The following TMEM68 variants were observed in gnomAD, a reference collection of about 807,000 sequenced individuals.
TMEM68 encodes DGAT1/2-independent enzyme synthesizing storage lipids.
A neutral mutation model predicts 36.9 loss-of-function variants in TMEM68; 25 were observed. The ratio of observed to expected loss-of-function variants is 0.68; its 90% CI spans 0.49 to 0.95. The LOEUF is 0.95. Among genes scored for constraint, TMEM68 ranks in the 40% least tolerant of loss-of-function variants. The pLI, the probability that TMEM68 is intolerant of heterozygous loss-of-function variation, is 0.00. For synonymous variants in TMEM68, 131 were observed against 124.4 expected (o/e 1.05, Z -0.35); for missense variants, 333 against 392.0 (o/e 0.85, Z 1.27).
intron 6 of TMEM68, 122 bp from the exon 7 acceptor site, chr8:55,743,742 T>C (rs1810178326): frequency 1.3e-6 from 1 of 797,198 alleles, no homozygotes; most frequent in East Asian, 2.9e-5. Flanking sequence ...TTCTTGGCAA[T>C]TAATACAATT....
chr8:55,748,798 C>A (rs558247550), intron 5 of TMEM68, among the ~76,000 whole-genome samples: 1 of 151,952 alleles, frequency 6.6e-6, no homozygotes, highest in East Asian at 1.9e-4. Context: ...ACCATGTTGC[C>A]CAGGCTGGTC....
intron 5 of TMEM68, among the ~76,000 whole-genome samples, chr8:55,749,253 G>A (rs1563429101): frequency 6.6e-6 from 1 of 152,158 alleles, no homozygotes; most frequent in African/African-American, 2.4e-5. Context: ...CAAAAAGTCT[G>A]TCACTTTCGA....
intron 4 of TMEM68, among the ~76,000 whole-genome samples, chr8:55,754,952 C>T (rs554651861): frequency 0.26 from 2,120 of 8,216 alleles, 83 homozygotes; most frequent in East Asian, 0.38. Flanking sequence ...TATACACACA[C>T]ACACACACAC....
chr8:55,740,218 T>C lies in TMEM68; in HGVS notation c.889A>G (p.Thr297Ala), dbSNP rs915041793. The change falls in exon 8 of 8, where the codon ACG becomes GCG. Residue 297 changes from threonine (T) to alanine (A), a missense_variant and splice_region_variant. Coordinates refer to ENST00000434581, the MANE Select transcript of TMEM68 (RefSeq NM_001286657.2). ...QITAEELAEK[T>A]KNAVQALIDK... ...ATCAAAGCTTGAACAGCATTCTTCG[T>C]CTATTAAGAAAACAAAAGAAAAGCT... is the stretch of plus-strand genomic sequence containing the variant. The C allele has an allele frequency of 3.1e-6, 5 of 1,611,708 alleles. No homozygotes were observed. Among genetic ancestry groups the C allele is most frequent in the Admixed American group, 1.7e-5 (1 of 59,696 alleles).
chr8:55,757,478 G>A (rs1210631018), intron 3 of TMEM68, among the ~76,000 whole-genome samples: 1 of 152,202 alleles, frequency 6.6e-6, no homozygotes, highest in African/African-American at 2.4e-5. Flanking sequence ...GGTGAAGCTG[G>A]AGAGTAAAGA....
At chr8:55,769,018 T>TAAAAAAAAAAAAAAAAAAAAA (rs200493179) in intron 1 of TMEM68, among the ~76,000 whole-genome samples, 2 of 82,094 alleles carry the variant, frequency 2.4e-5, no homozygotes, top group Admixed American at 1.3e-4. Context: ...ACTCTGTCTT[T>TAAAAAAAAAAAAAAAAAAAAA]AAAAAAAAAA....
intron 7 of TMEM68, among the ~76,000 whole-genome samples, chr8:55,742,615 C>G (rs571715129): frequency 2.9e-4 from 44 of 152,230 alleles, no homozygotes; most frequent in African/African-American, 1.0e-3. Context: ...TCATAGTTCA[C>G]TGTAACCTTG....
Position 55,739,889 on chromosome 8 carries a change from GT to G in TMEM68, c.*242del, listed in dbSNP as rs1810046102. The G allele has an allele frequency of 2.2e-6, 1 of 444,808 alleles. No homozygotes were observed. The highest frequency in any genetic ancestry group is 2.0e-5 in the African/African-American group (1 of 49,380). 27.6% of individuals were successfully genotyped at this position (444,808 alleles called of 1,614,324 possible). A position where few individuals can be genotyped will look rare whatever the true frequency, so the allele number is the denominator to read the frequency against. ...AGAATCTATATGTTTAGCATAAATT[GT>G]TAGGAATTTACAAATAAGACATCTT... On this transcript the variant is annotated 3_prime_UTR_variant, in exon 8 of 8. Transcript: ENST00000434581.
At chr8:55,742,282 T>C (rs980708132) in intron 7 of TMEM68, among the ~76,000 whole-genome samples, 1 of 152,126 alleles carries the variant, frequency 6.6e-6, no homozygotes, top group African/African-American at 2.4e-5. Flanking sequence ...TATAGTCCGT[T>C]TTGCAAGATG....
intron 7 of TMEM68, among the ~76,000 whole-genome samples, 180 bp downstream of exon 7, chr8:55,743,301 C>G (rs953845370): frequency 6.6e-6 from 1 of 152,160 alleles, no homozygotes; most frequent in African/African-American, 2.4e-5. Context: ...CAACTCCTGC[C>G]TGTAGTGACA....
intron 4 of TMEM68, 28 bp from the exon 5 acceptor site, chr8:55,751,185 A>G: frequency 6.5e-7 from 1 of 1,547,500 alleles, no homozygotes. Context: ...ATGAAGTTAC[A>G]ACATAAGTAT....
intron 4 of TMEM68, among the ~76,000 whole-genome samples, chr8:55,751,992 T>C (rs1810437244): frequency 6.6e-6 from 1 of 152,136 alleles, no homozygotes; most frequent in Non-Finnish European, 1.5e-5. Context: ...GTGGATCACT[T>C]GCGGTCAGGA....
intron 4 of TMEM68, among the ~76,000 whole-genome samples, chr8:55,754,014 C>A (rs963730445): frequency 6.6e-6 from 1 of 151,808 alleles, no homozygotes; most frequent in African/African-American, 2.4e-5. Flanking sequence ...ATCACTTGAA[C>A]CTGAGGGGCG....
chr8:55,743,898 A>C (rs1411497359), intron 6 of TMEM68, among the ~76,000 whole-genome samples: 2 of 152,182 alleles, frequency 1.3e-5, no homozygotes, highest in Non-Finnish European at 2.9e-5. Flanking sequence ...CCCCCAAAAA[A>C]GTTTATTAAT....
chr8:55,750,431 G>A (rs777393900), intron 5 of TMEM68, among the ~76,000 whole-genome samples: 15 of 151,820 alleles, frequency 9.9e-5, no homozygotes, highest in Admixed American at 3.9e-4. Flanking sequence ...ACTTTCCATA[G>A]GTAATAGATA....
intron 4 of TMEM68, among the ~76,000 whole-genome samples, chr8:55,753,494 C>T (rs201756871): frequency 6.6e-6 from 1 of 152,108 alleles, no homozygotes; most frequent in African/African-American, 2.4e-5. Flanking sequence ...TAGTTTTTAA[C>T]AGAAAACATA....
intron 3 of TMEM68, chr8:55,760,930 A>G (rs1317850009): frequency 6.6e-6 from 1 of 152,252 alleles, no homozygotes; most frequent in African/African-American, 2.4e-5. Flanking sequence ...CCCATCAAAT[A>G]CATTTTCTGA....
At chr8:55,742,668 G>T (rs747386721) in intron 7 of TMEM68, among the ~76,000 whole-genome samples, 80 of 152,062 alleles carry the variant, frequency 5.3e-4, no homozygotes, top group Middle Eastern at 3.4e-3. Flanking sequence ...GCCTCCCAAG[G>T]TGCCGGGATT....
At chr8:55,760,329 A>C (rs983576416) in intron 3 of TMEM68, among the ~76,000 whole-genome samples, 2 of 152,248 alleles carry the variant, frequency 1.3e-5, no homozygotes, top group African/African-American at 4.8e-5. Context: ...CCACTGTCAG[A>C]CACACCATTA....
Sources: gnomAD v4.1 joint callset for allele counts (sites outside exome capture counted in the v4.1 genomes callset) on GRCh38, gnomAD v4.1.1 for gene constraint, MANE v1.5 for transcripts, NCBI Gene and HGNC (gene_info 2026-07-23, HGNC 2026-07-21) for gene names.